The following TMEM230 variants were observed in gnomAD, a reference collection of about 807,000 sequenced individuals.
The protein encoded by TMEM230 is UPF0414 transmembrane protein C20orf30.
TMEM230 carries 10 observed loss-of-function variants against 15.8 expected under a neutral mutation model. That is an observed-to-expected ratio of 0.63 (90% confidence interval 0.39 to 1.07). TMEM230 has a LOEUF of 1.07. TMEM230 is among the 50% of genes least tolerant of loss of function. The probability of loss-of-function intolerance (pLI) is 0.01; values close to 1 mark genes in which losing one functional copy is unlikely to be tolerated. For synonymous variants in TMEM230, 67 were observed against 76.9 expected (o/e 0.87, Z 0.68); for missense variants, 165 against 193.3 (o/e 0.85, Z 0.87).
chr20:5,081,251 A>C (rs1351202427), intron 3 of TMEM230, among the ~76,000 whole-genome samples: 1 of 152,162 alleles, frequency 6.6e-6, no homozygotes, highest in Non-Finnish European at 1.5e-5. Context: ...AAGCCCAAAA[A>C]ACTGCTGTAA....
intron 3 of TMEM230, among the ~76,000 whole-genome samples, chr20:5,074,138 G>A (rs941273467): frequency 5.3e-5 from 8 of 152,082 alleles, no homozygotes; most frequent in Admixed American, 2.6e-4. Context: ...CCCATGACCC[G>A]AACACCTCCC....
chr20:5,085,640 T>C (rs1383663368), intron 3 of TMEM230, among the ~76,000 whole-genome samples: 1 of 152,166 alleles, frequency 6.6e-6, no homozygotes, highest in South Asian at 2.1e-4. Flanking sequence ...CAAAGGAGCC[T>C]GTTTTTCTCT....
intron 3 of TMEM230, among the ~76,000 whole-genome samples, chr20:5,089,655 C>T (rs868162903): frequency 2.6e-5 from 4 of 151,082 alleles, no homozygotes; most frequent in Non-Finnish European, 4.4e-5. Context: ...GAGCTGAGAT[C>T]GCCCCACTGC....
chr20:5,107,276 G>A (rs2090133423), intron 3 of TMEM230, among the ~76,000 whole-genome samples: 1 of 152,162 alleles, frequency 6.6e-6, no homozygotes, highest in African/African-American at 2.4e-5. Flanking sequence ...ACTCCAGCCT[G>A]GGTGACAGAG....
At chr20:5,092,805 C>G (rs2089550590) in intron 3 of TMEM230, among the ~76,000 whole-genome samples, 1 of 151,734 alleles carries the variant, frequency 6.6e-6, no homozygotes, top group Admixed American at 6.6e-5. Context: ...TTGAGAAAAT[C>G]TGACATCCTT....
At chr20:5,100,956 A>C (rs372270893) in intron 4 of TMEM230, 25 bp from the exon 4 acceptor site, 1 of 1,613,282 alleles carries the variant, frequency 6.2e-7, no homozygotes, top group African/African-American at 1.3e-5. Context: ...AGGCAAACAC[A>C]TTAGTACCGT....
At chr20:5,063,335 T>A (rs922138143), downstream of TMEM230, among the ~76,000 whole-genome samples, 2 of 132,422 alleles carry the variant, frequency 1.5e-5, no homozygotes, top group African/African-American at 5.9e-5. Flanking sequence ...TCACCCAGGC[T>A]GGAGTGCAAT....
intron 3 of TMEM230, among the ~76,000 whole-genome samples, chr20:5,082,310 G>A (rs185790254): frequency 7.9e-4 from 119 of 151,234 alleles, no homozygotes; most frequent in Middle Eastern, 3.5e-3. Flanking sequence ...GCATAATCCC[G>A]GCTCACTGCA....
intron 3 of TMEM230, among the ~76,000 whole-genome samples, chr20:5,081,450 G>T (rs540853902): frequency 6.6e-6 from 1 of 152,184 alleles, no homozygotes; most frequent in Non-Finnish European, 1.5e-5. Context: ...TGGTTCTCAC[G>T]CACCCCGGCG....
At chr20:5,074,717 T>G (rs1420555923) in intron 3 of TMEM230, among the ~76,000 whole-genome samples, 7 of 152,108 alleles carry the variant, frequency 4.6e-5, no homozygotes, top group Admixed American at 3.9e-4. Context: ...GGCAGGCGAA[T>G]CACTTGAGCT....
intron 4 of TMEM230, among the ~76,000 whole-genome samples, chr20:5,103,557 G>A (rs182749528): frequency 3.8e-4 from 58 of 151,876 alleles, no homozygotes; most frequent in African/African-American, 1.3e-3. Flanking sequence ...CAGTTATTTG[G>A]GAGGCTGAGG....
chr20:5,060,211 C>CAGCTAATGTTTTTAAT, the TMEM230 span, among the ~76,000 whole-genome samples: 1 of 152,126 alleles, frequency 6.6e-6, no homozygotes, highest in African/African-American at 2.4e-5. Flanking sequence ...TGCACCCAGC[C>CAGCTAATGTTTTTAAT]CTGTTACCTT....
chr20:5,109,447 TAC>T lies in TMEM230; in HGVS notation c.175-4_175-3del. Reference sequence around the variant, plus strand: ...CGGCATCATAACACGCTGACACAGCTACAGTTTAAAAACAAAAAACCCGTTAT... The same window carrying T: ...CGGCATCATAACACGCTGACACAGCTAGTTTAAAAACAAAAAACCCGTTAT... On this transcript the variant is annotated splice_region_variant and splice_polypyrimidine_tract_variant and intron_variant, in intron 2 of 4. Coordinates refer to ENST00000342308, the MANE Select transcript of TMEM230 (RefSeq NM_001009923.2). 1 of 1,612,450 alleles carries T rather than the reference TAC, an allele frequency of 6.2e-7. No individual in the cohort carries two copies. Among genetic ancestry groups the T allele is most frequent in the Non-Finnish European group, 8.5e-7 (1 of 1,178,840 alleles).
intron 3 of TMEM230, among the ~76,000 whole-genome samples, chr20:5,073,389 C>T (rs2088888997): frequency 6.6e-6 from 1 of 152,198 alleles, no homozygotes. Flanking sequence ...TTTTCCTGCC[C>T]TGGGGCTTGG....
At position 5,101,506 on chromosome 20, in the gene TMEM230, C is replaced by T. The variant is rs146170500; in HGVS notation, c.412-575G>A. Reference sequence around the variant, plus strand: ...GTGTGATTACAGCTCACTGCAACCTCGACTTCCCAGGCTCAAGTGATCCTC... The same window carrying T: ...GTGTGATTACAGCTCACTGCAACCTTGACTTCCCAGGCTCAAGTGATCCTC... On this transcript the variant is annotated intron_variant, in intron 4 of 4. Coordinates refer to ENST00000342308, the MANE Select transcript of TMEM230 (RefSeq NM_001009923.2). Among the ~76,000 whole-genome samples, 378 of 152,180 alleles carry T rather than the reference C, an allele frequency of 2.5e-3. 3 individuals carry two copies. The highest frequency in any genetic ancestry group is 8.8e-3 in the African/African-American group (364 of 41,508).
rs768004556 is a variant in TMEM230 at position 5,100,762 on chromosome 20, G to A, written c.*29C>T. On this transcript the variant is annotated 3_prime_UTR_variant, in exon 5 of 5. Coordinates refer to ENST00000342308, the MANE Select transcript of TMEM230 (RefSeq NM_001009923.2). ...ATCTTAAAGCTGGGACAGTTCCACTGTGACTCCTCCTCAGCTATGGGGTGG... is the reference window on the plus strand; with the variant it reads ...ATCTTAAAGCTGGGACAGTTCCACTATGACTCCTCCTCAGCTATGGGGTGG... The A allele has an allele frequency of 6.2e-7, 1 of 1,611,366 alleles. No individual in the cohort carries two copies. The highest frequency in any genetic ancestry group is 1.3e-5 in the African/African-American group (1 of 74,836).
At chr20:5,063,508 C>T (rs745739823), downstream of TMEM230, among the ~76,000 whole-genome samples, 125 of 151,988 alleles carry the variant, frequency 8.2e-4, no homozygotes, top group Non-Finnish European at 1.6e-3. Flanking sequence ...GGGCTGGTCT[C>T]GAACTTCTGA....
intron 3 of TMEM230, among the ~76,000 whole-genome samples, chr20:5,086,136 T>C (rs1160353431): frequency 6.6e-6 from 1 of 151,846 alleles, no homozygotes; most frequent in East Asian, 1.9e-4. Flanking sequence ...GGCTCGTGCC[T>C]GTAATCCCAG....
intron 3 of TMEM230, among the ~76,000 whole-genome samples, chr20:5,078,733 T>C (rs1455355681): frequency 6.6e-6 from 1 of 152,186 alleles, no homozygotes; most frequent in Non-Finnish European, 1.5e-5. Flanking sequence ...ACGCCCTCCT[T>C]TAAGAGATGA....
Sources: gnomAD v4.1 joint callset for allele counts (sites outside exome capture counted in the v4.1 genomes callset) on GRCh38, gnomAD v4.1.1 for gene constraint, MANE v1.5 for transcripts, NCBI Gene and HGNC (gene_info 2026-07-23, HGNC 2026-07-21) for gene names.